LMX1A: variants seen among roughly 807,000 people sequenced by gnomAD.
The protein encoded by LMX1A is LIM homeobox transcription factor 1-alpha.
A neutral mutation model predicts 49.1 loss-of-function variants in LMX1A; 15 were observed. That is an observed-to-expected ratio of 0.31 (90% CI 0.20 to 0.47). The LOEUF is 0.47. LMX1A is among the 20% of genes least tolerant of loss of function. The pLI, the probability that LMX1A is intolerant of heterozygous loss-of-function variation, is 1.00. For synonymous variants in LMX1A, 167 were observed against 185.7 expected (o/e 0.90, Z 0.82); for missense variants, 372 against 475.8 (o/e 0.78, Z 2.03).
chr1:165,258,186 G>A (rs527658933), intron 3 of LMX1A, among the ~76,000 whole-genome samples: 1 of 152,254 alleles, frequency 6.6e-6, no homozygotes, highest in African/African-American at 2.4e-5. Flanking sequence ...GGCAGAGACA[G>A]GGATTGGCCA....
chr1:165,276,903 GA>G (rs1242879434), intron 3 of LMX1A, among the ~76,000 whole-genome samples: 2 of 152,194 alleles, frequency 1.3e-5, no homozygotes, highest in Non-Finnish European at 2.9e-5. Context: ...ACAGGGCTTT[GA>G]ACAGTAAAGA....
At position 165,202,559 on chromosome 1, in the gene LMX1A, T is replaced by C. The variant is rs1000091407; in HGVS notation, c.*1321A>G. 1.3e-5 allele frequency: 2 copies of C among 152,084 alleles called. No homozygotes were observed. Among genetic ancestry groups the C allele is most frequent in the African/African-American group, 4.8e-5 (2 of 41,404 alleles). 9.4% of individuals were successfully genotyped at this position (152,084 alleles called of 1,614,324 possible). A position where few individuals can be genotyped will look rare whatever the true frequency, so the allele number is the denominator to read the frequency against. ...CAGGCCACAGACAGCCTGTTATATA[T>C]TCTTCTTCTCCTTTTTTTTAATGAC... On this transcript the variant is annotated 3_prime_UTR_variant, in exon 9 of 9. Coordinates refer to ENST00000342310, the MANE Select transcript of LMX1A (RefSeq NM_177398.4).
intron 3 of LMX1A, among the ~76,000 whole-genome samples, chr1:165,326,765 G>A (rs1202249367): frequency 3.3e-5 from 5 of 152,050 alleles, no homozygotes; most frequent in African/African-American, 9.7e-5. Flanking sequence ...TCAGTTCCAC[G>A]TAGTTGCTAT....
intron 3 of LMX1A, among the ~76,000 whole-genome samples, chr1:165,347,812 C>A (rs1284471013): frequency 1.3e-5 from 2 of 152,214 alleles, no homozygotes; most frequent in East Asian, 1.9e-4. Context: ...AATTTCTGAT[C>A]ATATCATGAG....
intron 3 of LMX1A, among the ~76,000 whole-genome samples, chr1:165,331,290 TA>T (rs897999184): frequency 6.6e-6 from 1 of 152,072 alleles, no homozygotes; most frequent in Non-Finnish European, 1.5e-5. Flanking sequence ...ATACAAACTA[TA>T]AAAAATCAAA....
At chr1:165,250,587 CTTTCA>C (rs1194341155) in intron 3 of LMX1A, among the ~76,000 whole-genome samples, 1 of 152,180 alleles carries the variant, frequency 6.6e-6, no homozygotes, top group Non-Finnish European at 1.5e-5. Flanking sequence ...CTTAACTCTT[CTTTCA>C]TTTATTTTCA....
At chr1:165,205,842 G>A (rs764321561) in intron 8 of LMX1A, 22 bp downstream of exon 8, 20 of 1,611,962 alleles carry the variant, frequency 1.2e-5, no homozygotes, top group East Asian at 1.1e-4. Context: ...GAGAGGGCCC[G>A]AGGGGCTTAA....
intron 4 of LMX1A, among the ~76,000 whole-genome samples, chr1:165,240,295 G>A (rs1192298026): frequency 6.8e-6 from 1 of 147,864 alleles, no homozygotes; most frequent in East Asian, 2.0e-4. Context: ...GTTTAGCAGA[G>A]TACTTTTAAA....
chr1:165,231,765 C>T (rs796897284), intron 4 of LMX1A, among the ~76,000 whole-genome samples: 11 of 139,936 alleles, frequency 7.9e-5, no homozygotes, highest in African/African-American at 2.8e-4. Context: ...ATTTAACAGA[C>T]CTTTATTTTT....
chr1:165,232,478 G>A lies in LMX1A; in HGVS notation c.496+16930C>T, dbSNP rs571304997. 7.2e-5 allele frequency among the ~76,000 whole-genome samples: 11 copies of A among 152,338 alleles called. No individual in the cohort carries two copies. The South Asian group carries it at 2.3e-3, about 32-fold the overall frequency. On this transcript the variant is annotated intron_variant, in intron 4 of 8. Coordinates refer to ENST00000342310, the MANE Select transcript of LMX1A (RefSeq NM_177398.4). Reference sequence around the variant, plus strand: ...GGAGAGCCATGAGACACTAGGCAAAGGGGGAAGTAGAGGAAGGTGAACATT... The same window carrying A: ...GGAGAGCCATGAGACACTAGGCAAAAGGGGAAGTAGAGGAAGGTGAACATT...
At chr1:165,228,761 A>G (rs935846696) in intron 4 of LMX1A, among the ~76,000 whole-genome samples, 1 of 152,192 alleles carries the variant, frequency 6.6e-6, no homozygotes. Flanking sequence ...ATTCATTGGA[A>G]ATTAGTACTA....
chr1:165,349,828 CT>C (rs1474136184), intron 3 of LMX1A, among the ~76,000 whole-genome samples: 6 of 152,162 alleles, frequency 3.9e-5, no homozygotes, highest in Non-Finnish European at 8.8e-5. Context: ...AACTTTTTAA[CT>C]GGTTGCCTAA....
intron 4 of LMX1A, among the ~76,000 whole-genome samples, chr1:165,235,153 C>T (rs1652380624): frequency 1.5e-5 from 2 of 135,608 alleles, no homozygotes; most frequent in African/African-American, 3.2e-5. Context: ...ACAGTTAGAG[C>T]GTATAGGGGG....
chr1:165,344,936 C>T (rs1656187454), intron 3 of LMX1A, among the ~76,000 whole-genome samples: 1 of 152,222 alleles, frequency 6.6e-6, no homozygotes, highest in Admixed American at 6.5e-5. Context: ...GGCATCAGCT[C>T]CGACTCAGGC....
At chr1:165,328,418 C>T (rs1655648106) in intron 3 of LMX1A, among the ~76,000 whole-genome samples, 1 of 152,242 alleles carries the variant, frequency 6.6e-6, no homozygotes, top group Admixed American at 6.5e-5. Context: ...GCCCTGCAGT[C>T]TGGAAGCAGG....
At chr1:165,234,870 G>A (rs1484707628) in intron 4 of LMX1A, among the ~76,000 whole-genome samples, 1 of 152,116 alleles carries the variant, frequency 6.6e-6, no homozygotes, top group Non-Finnish European at 1.5e-5. Context: ...ATAGAGAGTA[G>A]GCCAGAAAGT....
intron 3 of LMX1A, among the ~76,000 whole-genome samples, chr1:165,320,950 AGT>A (rs1363458050): frequency 1.3e-5 from 2 of 152,248 alleles, no homozygotes; most frequent in African/African-American, 4.8e-5. Context: ...AAATGTTTAT[AGT>A]AGCATTACTC....
Position 165,355,156 on chromosome 1 carries a change from T to C in LMX1A, c.76+328A>G, listed in dbSNP as rs1481010725. Reference sequence around the variant, plus strand: ...GGCCGCGAGAAGAGGGCGGCATTTATGAGACGTCGATCAGCTCCGAGATTA... The same window carrying C: ...GGCCGCGAGAAGAGGGCGGCATTTACGAGACGTCGATCAGCTCCGAGATTA... On this transcript the variant is annotated intron_variant, in intron 2 of 8. Coordinates refer to ENST00000342310, the MANE Select transcript of LMX1A (RefSeq NM_177398.4). This position sits in a 1 kb window ranked among gnomAD's most constrained non-coding sequence, Gnocchi z 4.7. Among the ~76,000 whole-genome samples the C allele has an allele frequency of 6.6e-6, 1 of 152,176 alleles. No homozygotes were observed. The highest frequency in any genetic ancestry group is 1.5e-5 in the Non-Finnish European group (1 of 68,034).
At chr1:165,303,618 C>T (rs561705569) in intron 3 of LMX1A, among the ~76,000 whole-genome samples, 9 of 152,256 alleles carry the variant, frequency 5.9e-5, no homozygotes, top group South Asian at 4.2e-4. Context: ...ACATCGCCTA[C>T]GCCTGCAGTC....
Sources: allele counts gnomAD v4.1 joint callset (sites outside exome capture counted in the v4.1 genomes callset), GRCh38; gene constraint gnomAD v4.1.1; non-coding constraint Gnocchi (gnomAD v3.1); transcripts MANE v1.5; gene names NCBI Gene and HGNC (gene_info 2026-07-23, HGNC 2026-07-21).